Variants in TNFSF8 observed in about 807,000 individuals in gnomAD.
The protein encoded by TNFSF8 is tumor necrosis factor ligand superfamily member 8.
Under a neutral mutation model 22.0 loss-of-function variants are expected in TNFSF8, and 4 were observed. That is an observed-to-expected ratio of 0.18 (90% CI 0.09 to 0.42). The LOEUF (loss-of-function observed/expected upper bound fraction) is 0.42, where lower values mean the gene tolerates loss of function less well. Among genes scored for constraint, TNFSF8 ranks in the 10% least tolerant of loss-of-function variants. TNFSF8 has a pLI of 1.00. For missense variants in TNFSF8, 233 were observed against 281.8 expected (o/e 0.83, Z 1.24); for synonymous variants, 106 against 112.5 (o/e 0.94, Z 0.37).
chr9:114,929,975 T>TAG lies in TNFSF8; in HGVS notation c.195+133_195+134insCT, dbSNP rs199544391. 849 of 328,756 alleles carry TAG rather than the reference T, an allele frequency of 2.6e-3. 2 individuals carry two copies. The highest frequency in any genetic ancestry group is 1.0e-2 in the African/African-American group (434 of 43,598). 20.4% of individuals were successfully genotyped at this position (328,756 alleles called of 1,614,324 possible). On this transcript the variant is annotated intron_variant, in intron 1 of 3. Coordinates refer to ENST00000223795, the MANE Select transcript of TNFSF8 (RefSeq NM_001244.4). ...GTATATACTATAGTATATATATATA[T>TAG]ATAGAGAGAGAGAGTTTATTTATTT...
exon 5 of TNFSF8, chr9:114,893,562 G>A (rs1055533816): frequency 3.0e-5 from 5 of 164,260 alleles, no homozygotes; most frequent in African/African-American, 4.8e-5. Flanking sequence ...AGACATCTAA[G>A]ATGGTATTCA....
chr9:114,910,436 T>G (rs1200766583), intron 2 of TNFSF8, among the ~76,000 whole-genome samples: 1 of 152,026 alleles, frequency 6.6e-6, no homozygotes, highest in Non-Finnish European at 1.5e-5. Context: ...GACTCCACAG[T>G]AGGTAAATGG....
chr9:114,902,761 G>A lies in TNFSF8; in HGVS notation c.*1170C>T, dbSNP rs1827732943. The A allele has an allele frequency of 6.1e-6, 6 of 985,380 alleles. No individual in the cohort carries two copies. The highest frequency in any genetic ancestry group is 7.2e-6 in the Non-Finnish European group (6 of 829,878). 61.0% of individuals were successfully genotyped at this position (985,380 alleles called of 1,614,324 possible). A position where few individuals can be genotyped will look rare whatever the true frequency, so the allele number is the denominator to read the frequency against. On this transcript the variant is annotated 3_prime_UTR_variant, in exon 4 of 4. Transcript: ENST00000223795. ...TTCCCAGGGTCTGGTCTTCTGAGAT[G>A]GAAGAGGTTTTGAAGCAATTCAAAC...
At chr9:114,899,342 A>ATTTTTT (rs137946179), downstream of TNFSF8, among the ~76,000 whole-genome samples, 18 of 142,610 alleles carry the variant, frequency 1.3e-4, no homozygotes, top group African/African-American at 1.9e-4. Flanking sequence ...ACAGTAAGTT[A>ATTTTTT]TTATTTTTTT....
downstream of TNFSF8, among the ~76,000 whole-genome samples, chr9:114,897,166 G>T (rs1047771522): frequency 2.0e-5 from 3 of 152,094 alleles, no homozygotes; most frequent in South Asian, 2.1e-4. Flanking sequence ...CTCCCAAAGT[G>T]CTGGCATTAC....
intron 1 of TNFSF8, 33 bp from the exon 2 acceptor site, chr9:114,918,171 G>A (rs375198022): frequency 1.8e-5 from 28 of 1,587,962 alleles, no homozygotes; most frequent in Non-Finnish European, 2.2e-5. Flanking sequence ...GCAGCATGAG[G>A]TGTGACATTC....
chr9:114,898,830 C>T (rs1357164476), downstream of TNFSF8, among the ~76,000 whole-genome samples: 18 of 152,062 alleles, frequency 1.2e-4, no homozygotes, highest in Admixed American at 1.0e-3. Context: ...TCAGGAGAAA[C>T]CTATAATGCG....
chr9:114,910,863 G>T (rs529222917), intron 2 of TNFSF8, among the ~76,000 whole-genome samples: 1 of 152,132 alleles, frequency 6.6e-6, no homozygotes, highest in Non-Finnish European at 1.5e-5. Flanking sequence ...ACGATGCATC[G>T]CAAAAAGAGC....
chr9:114,903,860 C>G lies in TNFSF8; in HGVS notation c.*71G>C, dbSNP rs926813865. The G allele has an allele frequency of 5.9e-5, 90 of 1,519,768 alleles. No homozygotes were observed. Among genetic ancestry groups the G allele is most frequent in the Middle Eastern group, 3.8e-4 (2 of 5,234 alleles). 94.1% of individuals were successfully genotyped at this position (1,519,768 alleles called of 1,614,324 possible). A position where few individuals can be genotyped will look rare whatever the true frequency, so the allele number is the denominator to read the frequency against. On this transcript the variant is annotated 3_prime_UTR_variant, in exon 4 of 4. Transcript: ENST00000223795. ...TCTTGGTCTAAAGTTTTCTTTTTGC[C>G]CAAGTGTTTGGAGGGATGAAATACT...
At chr9:114,927,639 A>G (rs1322955353) in intron 1 of TNFSF8, among the ~76,000 whole-genome samples, 2 of 152,182 alleles carry the variant, frequency 1.3e-5, no homozygotes, top group Non-Finnish European at 2.9e-5. Context: ...ATCACTCATT[A>G]TATGTTATGA....
chr9:114,910,679 T>C (rs1034450063), intron 2 of TNFSF8, among the ~76,000 whole-genome samples: 1 of 152,306 alleles, frequency 6.6e-6, no homozygotes, highest in Non-Finnish European at 1.5e-5. Flanking sequence ...TTCAGGCCCA[T>C]GTGCTGAACA....
chr9:114,927,982 G>C (rs1226710027), intron 1 of TNFSF8, among the ~76,000 whole-genome samples: 2 of 149,882 alleles, frequency 1.3e-5, no homozygotes, highest in South Asian at 4.2e-4. Flanking sequence ...TTTTTTTCTT[G>C]TTAGGTCTTA....
At chr9:114,893,360 T>G (rs933235723) in exon 5 of TNFSF8, 25 of 152,322 alleles carry the variant, frequency 1.6e-4, no homozygotes, top group Admixed American at 1.5e-3. Context: ...CAATAAAACT[T>G]TATTTACAAA....
chr9:114,925,948 A>G (rs969008123), intron 1 of TNFSF8, among the ~76,000 whole-genome samples: 7 of 152,078 alleles, frequency 4.6e-5, no homozygotes, highest in African/African-American at 1.7e-4. Flanking sequence ...CTCATTGTCT[A>G]TCTCATTATG....
intron 1 of TNFSF8, among the ~76,000 whole-genome samples, chr9:114,923,149 A>C (rs1015952619): frequency 5.3e-5 from 8 of 151,966 alleles, no homozygotes; most frequent in African/African-American, 1.9e-4. Context: ...TCCTCTGTAC[A>C]ATCTGGACTG....
chr9:114,894,384 T>A (rs1284081560), intron 4 of TNFSF8, among the ~76,000 whole-genome samples: 1 of 152,164 alleles, frequency 6.6e-6, no homozygotes, highest in African/African-American at 2.4e-5. Context: ...ATGTCTGAGT[T>A]GAAATTTTAT....
At chr9:114,910,667 A>T (rs1587934359) in intron 2 of TNFSF8, among the ~76,000 whole-genome samples, 1 of 152,168 alleles carries the variant, frequency 6.6e-6, no homozygotes, top group Non-Finnish European at 1.5e-5. Flanking sequence ...CCAGCAGATG[A>T]CTTCAGGCCC....
downstream of TNFSF8, among the ~76,000 whole-genome samples, chr9:114,899,985 GT>G (rs1827698458): frequency 3.9e-5 from 6 of 152,312 alleles, no homozygotes; most frequent in South Asian, 1.2e-3. Flanking sequence ...TTGTAGCTTT[GT>G]GTGTAACAGC....
rs924716219 is a variant in TNFSF8, at chr9:114,905,755, C to T, written c.310+73G>A. On this transcript the variant is annotated intron_variant, in intron 3 of 3. Transcript: ENST00000223795. Reference sequence around the variant, plus strand: ...GGCCATGGGACTCTAATTATGACTTCTGGCTTAAAAGTTGCTGAAAAGCCA... The same window carrying T: ...GGCCATGGGACTCTAATTATGACTTTTGGCTTAAAAGTTGCTGAAAAGCCA... The T allele has an allele frequency of 3.3e-6, 4 of 1,206,448 alleles. No individual in the cohort carries two copies. In the African/African-American group the frequency reaches 6.0e-5, roughly 18 times the overall value. The allele number at this position is 1,206,448 out of a possible 1,614,324, so 74.7% of individuals were successfully genotyped here.
Sources: allele counts gnomAD v4.1 joint callset (sites outside exome capture counted in the v4.1 genomes callset), GRCh38; gene constraint gnomAD v4.1.1; transcripts MANE v1.5; gene names NCBI Gene and HGNC (gene_info 2026-07-23, HGNC 2026-07-21).